TENM2: variants seen among roughly 807,000 people sequenced by gnomAD.
TENM2 encodes teneurin transmembrane protein 2.
A neutral mutation model predicts 245.2 loss-of-function variants in TENM2; 52 were observed. The ratio of observed to expected loss-of-function variants is 0.21; its 90% CI spans 0.17 to 0.27. The LOEUF (loss-of-function observed/expected upper bound fraction) is 0.27. Ranked by LOEUF, TENM2 falls within the 10% of genes least tolerant of loss-of-function variation. TENM2 has a pLI of 1.00. For missense variants in TENM2, 3,046 were observed against 3,666.8 expected (o/e 0.83, Z 4.37); for synonymous variants, 1,363 against 1,438.9 (o/e 0.95, Z 1.19).
chr5:168,165,075 A>T (rs1259069851), intron 13 of TENM2: 1 of 152,160 alleles, frequency 6.6e-6, no homozygotes. Flanking sequence ...CCTGTATGTA[A>T]TTTGTAAATA....
chr5:168,067,278 C>A (rs951408638), intron 7 of TENM2, among the ~76,000 whole-genome samples: 5 of 152,078 alleles, frequency 3.3e-5, no homozygotes, highest in Admixed American at 3.3e-4. Flanking sequence ...GATGCTGGTA[C>A]CCCCTAATGC....
chr5:167,259,035 A>G, the TENM2 span, among the ~76,000 whole-genome samples: 2 of 152,118 alleles, frequency 1.3e-5, no homozygotes, highest in Admixed American at 1.3e-4. Flanking sequence ...GCAGGGTCCC[A>G]CTCCCAGAGT....
At chr5:168,013,563 C>T (rs1785427493) in intron 5 of TENM2, among the ~76,000 whole-genome samples, 1 of 152,184 alleles carries the variant, frequency 6.6e-6, no homozygotes. Flanking sequence ...GAGATCGTGC[C>T]ACTGCACTCC....
Position 168,244,880 on chromosome 5 carries a change from C to T in TENM2, c.5817+164C>T, listed in dbSNP as rs1467463142. On this transcript the variant is annotated intron_variant, in intron 26 of 28. Transcript: ENST00000518659. This position sits in a 1 kb window ranked among gnomAD's most constrained non-coding sequence, Gnocchi z 4.9. ...TGCCTCCCAGGTTCAAGTAATTCTC[C>T]TGCCTGTGCCTCCTGGGTAGCTGTG... 6.6e-6 allele frequency among the ~76,000 whole-genome samples: 1 copy of T among 152,048 alleles called. No individual in the cohort carries two copies. The highest frequency in any genetic ancestry group is 1.5e-5 in the Non-Finnish European group (1 of 68,010).
At chr5:167,964,135 A>G (rs1195307744) in intron 4 of TENM2, among the ~76,000 whole-genome samples, 1 of 152,318 alleles carries the variant, frequency 6.6e-6, no homozygotes, top group East Asian at 1.9e-4. Flanking sequence ...CTTGTTCAAT[A>G]TCACCTATCT....
the TENM2 span, among the ~76,000 whole-genome samples, chr5:167,185,567 T>C: frequency 2.0e-5 from 3 of 152,152 alleles, no homozygotes; most frequent in Non-Finnish European, 4.4e-5. Context: ...AAAGCATCTA[T>C]AACCCATCAG....
At chr5:167,828,257 A>G (rs1379829102) in intron 2 of TENM2, among the ~76,000 whole-genome samples, 1 of 152,122 alleles carries the variant, frequency 6.6e-6, no homozygotes, top group African/African-American at 2.4e-5. Flanking sequence ...GTTCTGCTGC[A>G]TCTTTGTAGG....
chr5:167,518,018 C>T (rs1374773430), intron 2 of TENM2, among the ~76,000 whole-genome samples: 1 of 151,994 alleles, frequency 6.6e-6, no homozygotes, highest in Non-Finnish European at 1.5e-5. Context: ...GAAACCCCGT[C>T]TCTACTAAAA....
chr5:167,801,135 T>A lies in TENM2; in HGVS notation c.503-74851T>A, dbSNP rs1380052546. 8.6e-4 allele frequency among the ~76,000 whole-genome samples: 90 copies of A among 104,330 alleles called. 3 individuals carry two copies. Among genetic ancestry groups the A allele is most frequent in the East Asian group, 6.0e-3 (23 of 3,864 alleles). The allele number at this position is 104,330 out of a possible 152,430, so 68.4% of individuals were successfully genotyped here. ...ATATATATATATATATATATATATA[T>A]ATATATATATATATATATGTATATA... On this transcript the variant is annotated intron_variant, in intron 2 of 28. Coordinates refer to ENST00000518659, the Ensembl canonical transcript of TENM2.
At chr5:168,016,833 G>A (rs1354850722) in intron 5 of TENM2, among the ~76,000 whole-genome samples, 2 of 152,172 alleles carry the variant, frequency 1.3e-5, no homozygotes, top group East Asian at 3.8e-4. Context: ...TCTATAAAAT[G>A]GTAATAATAA....
intron 2 of TENM2, among the ~76,000 whole-genome samples, chr5:167,631,151 C>T (rs376007370): frequency 7.9e-5 from 12 of 152,126 alleles, no homozygotes; most frequent in Middle Eastern, 3.4e-3. Context: ...GCCCTCTTGT[C>T]GCTTGCATTA....
chr5:168,072,491 G>A (rs1791101052), intron 7 of TENM2, among the ~76,000 whole-genome samples: 1 of 152,126 alleles, frequency 6.6e-6, no homozygotes, highest in African/African-American at 2.4e-5. Flanking sequence ...TGTCTGTACT[G>A]GGGATACAGT....
chr5:167,392,619 C>T (rs1761824764), intron 2 of TENM2, among the ~76,000 whole-genome samples: 1 of 152,146 alleles, frequency 6.6e-6, no homozygotes, highest in Non-Finnish European at 1.5e-5. Flanking sequence ...TTGCAGGCAG[C>T]AGATGGGATT....
intron 2 of TENM2, among the ~76,000 whole-genome samples, chr5:167,651,140 A>G (rs191022324): frequency 4.6e-5 from 7 of 152,060 alleles, no homozygotes; most frequent in East Asian, 4.0e-4. Context: ...GCAGTCTCCA[A>G]ATAAGAACTA....
At chr5:167,022,374 GC>G in the TENM2 span, among the ~76,000 whole-genome samples, 1 of 152,182 alleles carries the variant, frequency 6.6e-6, no homozygotes, top group Non-Finnish European at 1.5e-5. Context: ...TACAAAGGTT[GC>G]CAGATGCAAA....
chr5:167,471,105 C>T (rs948065289), intron 2 of TENM2, among the ~76,000 whole-genome samples: 16 of 152,164 alleles, frequency 1.1e-4, no homozygotes, highest in African/African-American at 2.7e-4. Context: ...GCTTCTCTGG[C>T]GAGGATCCCC....
At chr5:168,078,544 A>G (rs1280767292) in intron 7 of TENM2, among the ~76,000 whole-genome samples, 2 of 152,090 alleles carry the variant, frequency 1.3e-5, no homozygotes, top group Non-Finnish European at 2.9e-5. Context: ...GTTTTCTTCT[A>G]GGGTTTTTAT....
intron 15 of TENM2, among the ~76,000 whole-genome samples, chr5:168,195,778 T>C (rs747982209): frequency 1.4e-4 from 21 of 152,052 alleles, no homozygotes; most frequent in Non-Finnish European, 2.6e-4. Context: ...TTGTTTTCGC[T>C]ACTGTTTGGA....
chr5:167,277,123 G>A, the TENM2 span, among the ~76,000 whole-genome samples: 1 of 151,824 alleles, frequency 6.6e-6, no homozygotes. Context: ...TGGGTCTTAT[G>A]TTTATTATTC....
Sources: gnomAD v4.1 joint callset for allele counts (sites outside exome capture counted in the v4.1 genomes callset) on GRCh38, gnomAD v4.1.1 for gene constraint, Gnocchi (gnomAD v3.1) non-coding constraint, MANE v1.5 for transcripts, NCBI Gene and HGNC (gene_info 2026-07-23, HGNC 2026-07-21) for gene names.